Variants in CUBN observed in about 807,000 individuals in gnomAD.
The protein encoded by CUBN is 460 kDa receptor.
CUBN carries 282 observed loss-of-function variants against 405.3 expected under a neutral mutation model. The observed-to-expected ratio is 0.70, with a 90% CI of 0.63 to 0.77. The LOEUF (loss-of-function observed/expected upper bound fraction) is 0.77. Ranked by LOEUF, CUBN falls within the 30% of genes least tolerant of loss-of-function variation. The pLI, the probability that CUBN is intolerant of heterozygous loss-of-function variation, is 0.00. For synonymous variants in CUBN, 1,684 were observed against 1,617.0 expected (o/e 1.04, Z -0.99); for missense variants, 4,514 against 4,475.2 (o/e 1.01, Z -0.25).
Position 17,129,643 on chromosome 10 carries a change from C to G in CUBN, c.122+1G>C. Reference sequence around the variant, plus strand: ...CAGGAATGACCCATGTGTTTACTTACTGTTGGAGATTGATGCTTCTTTTTT... The same window carrying G: ...CAGGAATGACCCATGTGTTTACTTAGTGTTGGAGATTGATGCTTCTTTTTT... On this transcript the variant is annotated splice_donor_variant, in intron 1 of 66. Coordinates refer to ENST00000377833, the MANE Select transcript of CUBN (RefSeq NM_001081.4). LOFTEE classifies it high-confidence loss of function. 6.2e-7 allele frequency: 1 copy of G among 1,614,164 alleles called. No individual in the cohort carries two copies. The highest frequency in any genetic ancestry group is 8.5e-7 in the Non-Finnish European group (1 of 1,179,996).
intron 43 of CUBN, among the ~76,000 whole-genome samples, chr10:16,924,895 A>G (rs1842137564): frequency 1.3e-5 from 2 of 152,152 alleles, no homozygotes; most frequent in Admixed American, 1.3e-4. Context: ...TGTAACTAGA[A>G]TTAACTTACA....
intron 56 of CUBN, among the ~76,000 whole-genome samples, chr10:16,886,473 A>G (rs1045953771): frequency 6.6e-6 from 1 of 152,258 alleles, no homozygotes; most frequent in Non-Finnish European, 1.5e-5. Context: ...GAAAGCTGAT[A>G]TGTAACAAGA....
chr10:17,086,803 G>A (rs2131866907), intron 15 of CUBN, among the ~76,000 whole-genome samples: 1 of 152,262 alleles, frequency 6.6e-6, no homozygotes, highest in South Asian at 2.1e-4. Flanking sequence ...CTGGTTCTTT[G>A]AAATACTGTA....
At position 16,914,085 on chromosome 10, in the gene CUBN, A is replaced by T; in HGVS notation, c.7352-93T>A. 9.7e-6 allele frequency: 13 copies of T among 1,340,656 alleles called. No individual in the cohort carries two copies. In the South Asian group the frequency reaches 1.5e-4, roughly 15 times the overall value. The allele number at this position is 1,340,656 out of a possible 1,614,324, so 83.0% of individuals were successfully genotyped here. On this transcript the variant is annotated intron_variant, in intron 47 of 66. Coordinates refer to ENST00000377833, the MANE Select transcript of CUBN (RefSeq NM_001081.4). ...CTCAAAATTCAGGTATTTAAAAATT[A>T]TCCTTCTAGATAAAATTAGTCTCCA...
intron 64 of CUBN, among the ~76,000 whole-genome samples, chr10:16,834,596 C>A (rs192614019): frequency 1.3e-5 from 2 of 152,298 alleles, no homozygotes; most frequent in East Asian, 3.9e-4. Context: ...ATTAGGTGAG[C>A]TATTTAGTAT....
rs1842488303 is a variant in CUBN at position 16,935,887 on chromosome 10, A to AG, written c.5926+1704_5926+1705insC. Among the ~76,000 whole-genome samples the AG allele has an allele frequency of 2.6e-5, 4 of 151,118 alleles. No individual in the cohort carries two copies. In the South Asian group the frequency reaches 8.3e-4, roughly 31 times the overall value. On this transcript the variant is annotated intron_variant, in intron 39 of 66. Coordinates refer to ENST00000377833, the MANE Select transcript of CUBN (RefSeq NM_001081.4). ...AGAGCGAGACTCCATCTCAAAAAAA[A>AG]AAAAAAAAAGAAAAAAAAAAAGAAA...
At chr10:16,932,213 C>T (rs1842382990) in intron 40 of CUBN, among the ~76,000 whole-genome samples, 1 of 152,188 alleles carries the variant, frequency 6.6e-6, no homozygotes, top group African/African-American at 2.4e-5. Context: ...TCTCACTCGG[C>T]AGGGGTCTAG....
chr10:17,043,211 T>C (rs1835053648), intron 26 of CUBN, among the ~76,000 whole-genome samples: 1 of 152,138 alleles, frequency 6.6e-6, no homozygotes, highest in African/African-American at 2.4e-5. Flanking sequence ...CCCAGGCCCC[T>C]TGACATTTTG....
chr10:16,992,332 C>A (rs1833614738), intron 28 of CUBN, among the ~76,000 whole-genome samples: 1 of 152,096 alleles, frequency 6.6e-6, no homozygotes, highest in Non-Finnish European at 1.5e-5. Context: ...ATGGCACATG[C>A]ATACATATGT....
At chr10:17,015,125 C>G (rs995809707) in intron 28 of CUBN, among the ~76,000 whole-genome samples, 3 of 152,202 alleles carry the variant, frequency 2.0e-5, no homozygotes, top group African/African-American at 2.4e-5. Flanking sequence ...CCTTACTAAG[C>G]CTTGAGCTTT....
At chr10:17,105,697 C>A (rs560706299) in intron 10 of CUBN, 122 bp from the exon 11 acceptor site, 2 of 692,066 alleles carry the variant, frequency 2.9e-6, no homozygotes, top group African/African-American at 1.8e-5. Flanking sequence ...TGTATTTTGA[C>A]GGGCAGACAA....
chr10:17,018,191 G>A (rs751712863), intron 28 of CUBN, among the ~76,000 whole-genome samples: 2 of 152,138 alleles, frequency 1.3e-5, no homozygotes, highest in African/African-American at 2.4e-5. Context: ...TGGCCAAGAG[G>A]TGCCCGGTAT....
intron 17 of CUBN, among the ~76,000 whole-genome samples, chr10:17,077,304 T>TAA (rs542854812): frequency 3.3e-5 from 5 of 150,764 alleles, no homozygotes; most frequent in Non-Finnish European, 5.9e-5. Context: ...AAACTACTCA[T>TAA]AAAAAAAAAC....
chr10:17,103,314 G>T, intron 12 of CUBN, 77 bp from the exon 13 acceptor site: 1 of 861,012 alleles, frequency 1.2e-6, no homozygotes, highest in South Asian at 1.4e-5. Flanking sequence ...CCCTGCTGCT[G>T]ATAAACTTAG....
At chr10:16,916,620 T>TA (rs1237075255) in intron 45 of CUBN, among the ~76,000 whole-genome samples, 2 of 152,282 alleles carry the variant, frequency 1.3e-5, no homozygotes, top group African/African-American at 4.8e-5. Flanking sequence ...ATGGTGTAGT[T>TA]AAACATTGTT....
intron 9 of CUBN, among the ~76,000 whole-genome samples, chr10:17,109,936 AGCAAT>A (rs1836731578): frequency 6.6e-6 from 1 of 152,230 alleles, no homozygotes; most frequent in Non-Finnish European, 1.5e-5. Context: ...TGATTTCATA[AGCAAT>A]GTTCTGGGTT....
intron 17 of CUBN, 144 bp from the exon 18 acceptor site, chr10:17,072,115 G>A (rs1259421725): frequency 1.5e-6 from 1 of 682,504 alleles, no homozygotes; most frequent in African/African-American, 1.8e-5. Flanking sequence ...ATTTTCTAAA[G>A]CAGTAGGTCA....
At chr10:17,079,231 A>C (rs1835918054) in intron 17 of CUBN, among the ~76,000 whole-genome samples, 1 of 129,896 alleles carries the variant, frequency 7.7e-6, no homozygotes, top group Admixed American at 9.3e-5. Flanking sequence ...CAAGAATGCA[A>C]ACTCTTTTTT....
chr10:16,997,236 C>T (rs974590787), intron 28 of CUBN, among the ~76,000 whole-genome samples: 2 of 151,958 alleles, frequency 1.3e-5, no homozygotes, highest in Non-Finnish European at 2.9e-5. Flanking sequence ...GAGATCGAGA[C>T]CATCCTGGCA....
Sources: gnomAD v4.1 joint callset for allele counts (sites outside exome capture counted in the v4.1 genomes callset) on GRCh38, gnomAD v4.1.1 for gene constraint, MANE v1.5 for transcripts, NCBI Gene and HGNC (gene_info 2026-07-23, HGNC 2026-07-21) for gene names.